The following CLNK variants were observed in gnomAD, a reference collection of about 807,000 sequenced individuals.
CLNK encodes cytokine-dependent hematopoietic cell linker.
Under a neutral mutation model 68.6 loss-of-function variants are expected in CLNK, and 74 were observed. The observed-to-expected ratio is 1.08, with a 90% CI of 0.89 to 1.31. The LOEUF (loss-of-function observed/expected upper bound fraction) is 1.31. Among genes scored for constraint, CLNK ranks in the 50% most tolerant of loss-of-function variants. CLNK has a pLI of 0.00. For synonymous variants in CLNK, 198 were observed against 172.2 expected, an observed-to-expected ratio of 1.15 and a Z score of -1.17; for missense variants, 553 against 515.3, an observed-to-expected ratio of 1.07 and a Z score of -0.71.
At chr4:10,636,627 G>A (rs1205995894) in intron 2 of CLNK, among the ~76,000 whole-genome samples, 1 of 152,108 alleles carries the variant, frequency 6.6e-6, no homozygotes, top group Non-Finnish European at 1.5e-5. Flanking sequence ...AGGGAAGGAG[G>A]GTGTAGCAGA....
At chr4:10,655,074 C>T (rs910171080) in intron 2 of CLNK, among the ~76,000 whole-genome samples, 1 of 131,298 alleles carries the variant, frequency 7.6e-6, no homozygotes, top group Admixed American at 9.6e-5. Context: ...GCACTCCAGT[C>T]TGGGTGACAG....
At position 10,513,470 on chromosome 4, in the gene CLNK, A is replaced by G; in HGVS notation, c.900T>C (p.Asp300=). 2.5e-6 allele frequency: 4 copies of G among 1,611,442 alleles called. No homozygotes were observed. The highest frequency in any genetic ancestry group is 1.7e-6 in the Non-Finnish European group (2 of 1,178,822). Residue 300 remains aspartate (D), a synonymous_variant, in exon 16 of 19, where the codon GAT becomes GAC. Transcript: ENST00000226951. ...CAGAGAAGTGTCTGCTTACCTTTCTATCAGACCTTTTGGGGAAAGGTGGTC... is the reference window on the plus strand; with the variant it reads ...CAGAGAAGTGTCTGCTTACCTTTCTGTCAGACCTTTTGGGGAAAGGTGGTC... The part of the protein sequence containing the change: ...SWRPPFPKRS[D]RKDVQHNEWY...
At chr4:10,531,166 G>A (rs1718521803) in intron 12 of CLNK, among the ~76,000 whole-genome samples, 1 of 152,220 alleles carries the variant, frequency 6.6e-6, no homozygotes, top group African/African-American at 2.4e-5. Flanking sequence ...AGAGTCCAGT[G>A]GGAGTGAGGT....
chr4:10,732,888 T>A, the CLNK span, among the ~76,000 whole-genome samples: 1 of 152,234 alleles, frequency 6.6e-6, no homozygotes, highest in East Asian at 1.9e-4. Flanking sequence ...GCCAACATGA[T>A]CCTAAAGAGA....
the CLNK span, among the ~76,000 whole-genome samples, chr4:10,714,576 G>A: frequency 3.3e-5 from 5 of 152,098 alleles, no homozygotes; most frequent in South Asian, 1.0e-3. Context: ...TTATTGTTTT[G>A]ATTTAAACAA....
intron 4 of CLNK, among the ~76,000 whole-genome samples, chr4:10,572,185 G>GTTGCAA (rs1434416525): frequency 6.6e-6 from 1 of 152,212 alleles, no homozygotes; most frequent in Non-Finnish European, 1.5e-5. Flanking sequence ...GGCACAGCAT[G>GTTGCAA]TTGCAATTGC....
At chr4:10,514,458 C>G (rs1409083141) in intron 15 of CLNK, among the ~76,000 whole-genome samples, 1 of 148,816 alleles carries the variant, frequency 6.7e-6, no homozygotes, top group African/African-American at 2.5e-5. Flanking sequence ...ATACCTACAA[C>G]TATCTGATCT....
intron 3 of CLNK, among the ~76,000 whole-genome samples, chr4:10,585,506 T>G (rs1346245671): frequency 1.3e-5 from 2 of 152,236 alleles, no homozygotes; most frequent in Non-Finnish European, 2.9e-5. Context: ...TATATCACTT[T>G]CCTTTTTCTG....
intron 2 of CLNK, among the ~76,000 whole-genome samples, chr4:10,628,036 A>C (rs1722744933): frequency 6.6e-6 from 1 of 152,222 alleles, no homozygotes; most frequent in Non-Finnish European, 1.5e-5. Context: ...TCTCACTTGG[A>C]TAACAGCCTT....
chr4:10,624,468 A>T (rs1276798010), intron 2 of CLNK, among the ~76,000 whole-genome samples: 1 of 151,000 alleles, frequency 6.6e-6, no homozygotes, highest in African/African-American at 2.4e-5. Context: ...AATTTTTTGT[A>T]TTTTTAATAG....
At chr4:10,666,941 C>A (rs1039723876) in intron 2 of CLNK, among the ~76,000 whole-genome samples, 1 of 152,218 alleles carries the variant, frequency 6.6e-6, no homozygotes, top group Non-Finnish European at 1.5e-5. Flanking sequence ...GACCAGAGCC[C>A]TCCAGCCAGT....
At chr4:10,527,145 C>A (rs1478795554) in intron 13 of CLNK, among the ~76,000 whole-genome samples, 1 of 152,180 alleles carries the variant, frequency 6.6e-6, no homozygotes, top group Non-Finnish European at 1.5e-5. Context: ...CTGAACAATG[C>A]CACATTGTTG....
At chr4:10,554,104 T>C (rs903233548) in intron 8 of CLNK, among the ~76,000 whole-genome samples, 1 of 152,206 alleles carries the variant, frequency 6.6e-6, no homozygotes, top group Non-Finnish European at 1.5e-5. Flanking sequence ...CATGCAGGTA[T>C]AGAGGCCGCT....
At chr4:10,616,830 A>AT (rs5856066) in intron 2 of CLNK, among the ~76,000 whole-genome samples, 5 of 145,422 alleles carry the variant, frequency 3.4e-5, no homozygotes, top group African/African-American at 1.3e-4. Flanking sequence ...ATATACACGC[A>AT]TTTTTTTTTC....
At chr4:10,578,314 G>A (rs1366444966) in intron 4 of CLNK, among the ~76,000 whole-genome samples, 2 of 152,134 alleles carry the variant, frequency 1.3e-5, no homozygotes, top group African/African-American at 4.8e-5. Context: ...CAAAATGTGT[G>A]GCTTTTTCAG....
intron 7 of CLNK, among the ~76,000 whole-genome samples, chr4:10,560,739 T>C (rs982503852): frequency 6.6e-6 from 1 of 152,222 alleles, no homozygotes; most frequent in Non-Finnish European, 1.5e-5. Flanking sequence ...CCATCACACC[T>C]GGCTGGAGAT....
At chr4:10,699,283 T>C in the CLNK span, among the ~76,000 whole-genome samples, 1 of 82,608 alleles carries the variant, frequency 1.2e-5, no homozygotes, top group African/African-American at 4.7e-5. Flanking sequence ...ACACACCACA[T>C]ACGTGTATAC....
chr4:10,556,479 A>C (rs1037277041), intron 8 of CLNK, among the ~76,000 whole-genome samples: 2 of 152,242 alleles, frequency 1.3e-5, no homozygotes, highest in African/African-American at 4.8e-5. Flanking sequence ...GTAAACAGAC[A>C]TACTGATATG....
intron 3 of CLNK, 44 bp from the exon 4 acceptor site, chr4:10,584,999 C>T: frequency 6.2e-7 from 1 of 1,606,906 alleles, no homozygotes; most frequent in Non-Finnish European, 8.5e-7. Flanking sequence ...ATTGCTCCAC[C>T]TCCACCGACC....
Sources: allele counts gnomAD v4.1 joint callset (sites outside exome capture counted in the v4.1 genomes callset), GRCh38; gene constraint gnomAD v4.1.1; transcripts MANE v1.5; gene names NCBI Gene and HGNC (gene_info 2026-07-23, HGNC 2026-07-21).